SOX5: variants seen among roughly 807,000 people sequenced by gnomAD.
SOX5 encodes transcription factor SOX-5.
A neutral mutation model predicts 92.0 loss-of-function variants in SOX5; 9 were observed. The ratio of observed to expected loss-of-function variants is 0.10; its 90% CI spans 0.06 to 0.17. SOX5 has a LOEUF of 0.17. Among genes scored for constraint, SOX5 ranks in the 10% least tolerant of loss-of-function variants. SOX5 has a pLI of 1.00. For synonymous variants in SOX5, 344 were observed against 336.3 expected (o/e 1.02, Z -0.25); for missense variants, 642 against 944.5 (o/e 0.68, Z 4.20).
intron 2 of SOX5, among the ~76,000 whole-genome samples, chr12:23,890,226 C>T (rs1010761510): frequency 1.3e-5 from 2 of 150,774 alleles, no homozygotes; most frequent in African/African-American, 4.9e-5. Context: ...AGCCTTAAGC[C>T]AGATAATCAC....
At chr12:24,318,656 T>C (rs1390144085) in intron 2 of SOX5, among the ~76,000 whole-genome samples, 1 of 152,206 alleles carries the variant, frequency 6.6e-6, no homozygotes, top group Non-Finnish European at 1.5e-5. Context: ...TTTCCTCTTC[T>C]GTAAAATGAA....
chr12:24,371,883 G>T (rs1272993224), intron 1 of SOX5, among the ~76,000 whole-genome samples: 2 of 152,056 alleles, frequency 1.3e-5, no homozygotes, highest in African/African-American at 4.8e-5. Context: ...AGCTACTCGT[G>T]AGGCTGAGGC....
intron 4 of SOX5, among the ~76,000 whole-genome samples, chr12:23,974,510 C>T (rs545594444): frequency 2.0e-4 from 30 of 152,160 alleles, no homozygotes; most frequent in African/African-American, 5.5e-4. Flanking sequence ...GAAAGGATTA[C>T]GGGGAAAGGA....
At chr12:24,147,356 T>C (rs988830874) in intron 4 of SOX5, among the ~76,000 whole-genome samples, 1 of 152,164 alleles carries the variant, frequency 6.6e-6, no homozygotes, top group Non-Finnish European at 1.5e-5. Context: ...TCAACAAATA[T>C]AGAAAACACA....
chr12:24,361,611 T>TTGTGTG (rs3031192), intron 2 of SOX5, among the ~76,000 whole-genome samples: 90 of 150,392 alleles, frequency 6.0e-4, no homozygotes, highest in African/African-American at 2.2e-3. Context: ...TTTTCAGGTT[T>TTGTGTG]TGTGTGTGTG....
chr12:23,793,830 T>C (rs1192963546), intron 3 of SOX5, among the ~76,000 whole-genome samples: 2 of 152,182 alleles, frequency 1.3e-5, no homozygotes, highest in Admixed American at 6.6e-5. Context: ...ACTCTTGAGG[T>C]AGCACACTGT....
In SOX5 at chr12:24,324,454, G is replaced by A. The variant is rs147522889; in HGVS notation, c.-174+44109C>T. ...CTTCTTTAGAAGGACTATTTTACGT[G>A]GGCAACTCTATATATAGTTGCGACA... On this transcript the variant is annotated intron_variant, in intron 2 of 4. Coordinates refer to the SOX5 transcript ENST00000446891. Among the ~76,000 whole-genome samples the A allele has an allele frequency of 2.0e-5, 3 of 150,532 alleles. No individual in the cohort carries two copies. In the East Asian group the frequency reaches 5.8e-4, roughly 29 times the overall value.
At chr12:24,354,867 A>C (rs955834010) in intron 2 of SOX5, among the ~76,000 whole-genome samples, 3 of 152,204 alleles carry the variant, frequency 2.0e-5, no homozygotes, top group Non-Finnish European at 4.4e-5. Context: ...GTATCATGAA[A>C]TAAGAGGCCC....
intron 1 of SOX5, among the ~76,000 whole-genome samples, chr12:24,485,983 G>T (rs972322541): frequency 3.3e-5 from 5 of 152,080 alleles, no homozygotes; most frequent in Admixed American, 6.6e-5. Context: ...TTGAGACAGG[G>T]TATCTGTTGC....
At chr12:23,615,594 T>C (rs1385270205) in intron 8 of SOX5, among the ~76,000 whole-genome samples, 1 of 152,188 alleles carries the variant, frequency 6.6e-6, no homozygotes, top group East Asian at 1.9e-4. Flanking sequence ...GGTGAGAACA[T>C]GCAGTATTTG....
chr12:24,032,418 T>C (rs1449498481), intron 4 of SOX5, among the ~76,000 whole-genome samples: 1 of 151,912 alleles, frequency 6.6e-6, no homozygotes, highest in Non-Finnish European at 1.5e-5. Context: ...TATAATATAA[T>C]CAGTCAACAT....
intron 2 of SOX5, chr12:24,277,456 GTAAATTTACATTTAAATATATAAA>G (rs1944575917): frequency 1.9e-5 from 1 of 53,730 alleles, no homozygotes; most frequent in Non-Finnish European, 6.2e-5. Flanking sequence ...TTATATATAT[GTAAATTTACATTTAAATATATAAA>G]TATATATGTA....
intron 3 of SOX5, among the ~76,000 whole-genome samples, chr12:24,233,520 A>G (rs2139970538): frequency 6.6e-6 from 1 of 152,342 alleles, no homozygotes; most frequent in South Asian, 2.1e-4. Context: ...GGAAAAAGTT[A>G]AATTTAAGTG....
At chr12:24,428,754 A>AAAAAAAAAAAAAAAC (rs1967045682) in intron 1 of SOX5, among the ~76,000 whole-genome samples, 1 of 149,122 alleles carries the variant, frequency 6.7e-6, no homozygotes, top group Non-Finnish European at 1.5e-5. Flanking sequence ...AAAAAAAAAA[A>AAAAAAAAAAAAAAAC]AAAAAGCTAA....
intron 1 of SOX5, among the ~76,000 whole-genome samples, chr12:23,918,716 A>G (rs1323957822): frequency 2.6e-5 from 4 of 151,920 alleles, no homozygotes; most frequent in Non-Finnish European, 5.9e-5. Flanking sequence ...ACTTGAGGTC[A>G]GGAGATTGTG....
intron 1 of SOX5, among the ~76,000 whole-genome samples, chr12:24,429,477 C>T (rs958362438): frequency 2.0e-5 from 3 of 151,812 alleles, no homozygotes; most frequent in Admixed American, 6.6e-5. Context: ...TAAAATTAAT[C>T]GATTTCAACA....
intron 6 of SOX5, among the ~76,000 whole-genome samples, chr12:23,700,650 A>G (rs2090497570): frequency 6.6e-6 from 1 of 152,094 alleles, no homozygotes; most frequent in South Asian, 2.1e-4. Context: ...AAAGTATGGC[A>G]GAGAGGGTAG....
chr12:23,966,238 A>C (rs899412130), intron 4 of SOX5, among the ~76,000 whole-genome samples: 1 of 126,148 alleles, frequency 7.9e-6, no homozygotes, highest in East Asian at 2.2e-4. Flanking sequence ...AAAAAAAAAA[A>C]AAAGCTGTTT....
At chr12:23,582,957 T>A (rs1277475284) in intron 9 of SOX5, among the ~76,000 whole-genome samples, 1 of 152,068 alleles carries the variant, frequency 6.6e-6, no homozygotes, top group Non-Finnish European at 1.5e-5. Context: ...TCCCTTAGTA[T>A]CTTAATATTT....
Sources: allele counts gnomAD v4.1 joint callset (sites outside exome capture counted in the v4.1 genomes callset), GRCh38; gene constraint gnomAD v4.1.1; transcripts MANE v1.5; gene names NCBI Gene and HGNC (gene_info 2026-07-23, HGNC 2026-07-21).